The following MCCC2 variants were observed in gnomAD, a reference collection of about 807,000 sequenced individuals.
The protein encoded by MCCC2 is methylcrotonoyl-CoA carboxylase beta chain, mitochondrial.
MCCC2 carries 52 observed loss-of-function variants against 77.2 expected under a neutral mutation model. That is an observed-to-expected ratio of 0.67 (90% CI 0.54 to 0.85). The LOEUF (loss-of-function observed/expected upper bound fraction) is 0.85, where lower values mean the gene tolerates loss of function less well. Among genes scored for constraint, MCCC2 ranks in the 40% least tolerant of loss-of-function variants. The pLI is 0.00. For synonymous variants in MCCC2, 253 were observed against 248.4 expected, an observed-to-expected ratio of 1.02 and a Z score of -0.18; for missense variants, 682 against 703.2, an observed-to-expected ratio of 0.97 and a Z score of 0.34.
In MCCC2 at chr5:71,596,303, C is replaced by T; in HGVS notation, c.220C>T (p.Leu74Phe). The T allele has an allele frequency of 6.2e-7, 1 of 1,614,102 alleles. No homozygotes were observed. The highest frequency in any genetic ancestry group is 8.5e-7 in the Non-Finnish European group (1 of 1,180,012). Residue 74 changes from leucine (L) to phenylalanine (F), a missense_variant, in exon 3 of 17, where the codon CTT (leucine) becomes TTT (phenylalanine). Leu to Phe is a conservative substitution (Grantham distance 22). Transcript: ENST00000340941. ...AGGAGGTGGTGAGAAAGCCCGAGCA[C>T]TTCACATATCAAGAGGAAAACTATT... ...KLGGGEKARA[L>F]HISRGKLLPR...
At chr5:71,638,295 T>G (rs1176509119) in intron 10 of MCCC2, among the ~76,000 whole-genome samples, 1 of 152,212 alleles carries the variant, frequency 6.6e-6, no homozygotes, top group African/African-American at 2.4e-5. Context: ...CTTCATCCAT[T>G]GAAATCTTGA....
At chr5:71,599,439 G>C (rs1745336682) in intron 3 of MCCC2, among the ~76,000 whole-genome samples, 1 of 152,034 alleles carries the variant, frequency 6.6e-6, no homozygotes, top group African/African-American at 2.4e-5. Flanking sequence ...TCCAACTCTT[G>C]GGCTCAAACA....
intron 16 of MCCC2, among the ~76,000 whole-genome samples, chr5:71,655,460 T>TA (rs1747552984): frequency 6.6e-6 from 1 of 152,244 alleles, no homozygotes; most frequent in African/African-American, 2.4e-5. Context: ...TAGTGCCTCT[T>TA]ACCTGGGGCA....
chr5:71,630,071 G>A (rs1026400219), intron 7 of MCCC2, among the ~76,000 whole-genome samples: 36 of 152,140 alleles, frequency 2.4e-4, no homozygotes, highest in Admixed American at 2.0e-4. Context: ...TGGCAGCCAG[G>A]GAAGCCTGAA....
At chr5:71,643,369 A>G (rs901313481) in intron 11 of MCCC2, among the ~76,000 whole-genome samples, 1 of 152,202 alleles carries the variant, frequency 6.6e-6, no homozygotes, top group Non-Finnish European at 1.5e-5. Context: ...CCTAGGCAAC[A>G]GAGTGAGACC....
At chr5:71,654,245 C>T (rs1478202601) in intron 16 of MCCC2, among the ~76,000 whole-genome samples, 3 of 152,166 alleles carry the variant, frequency 2.0e-5, no homozygotes, top group African/African-American at 4.8e-5. Flanking sequence ...GATCCTGCCT[C>T]GGCCTCCCAA....
At chr5:71,611,218 T>C (rs1326365612) in intron 6 of MCCC2, among the ~76,000 whole-genome samples, 2 of 152,002 alleles carry the variant, frequency 1.3e-5, no homozygotes, top group African/African-American at 4.8e-5. Context: ...CTGGGCAACA[T>C]AGGGAGACCC....
intron 15 of MCCC2, among the ~76,000 whole-genome samples, chr5:71,652,274 G>C (rs1288795225): frequency 6.6e-6 from 1 of 152,164 alleles, no homozygotes; most frequent in Non-Finnish European, 1.5e-5. Flanking sequence ...AAACATTTAA[G>C]CTTAAGTTTT....
chr5:71,651,047 G>A lies in MCCC2; in HGVS notation c.1488+864G>A, dbSNP rs182528616. 2.4e-3 allele frequency among the ~76,000 whole-genome samples: 371 copies of A among 152,234 alleles called. 3 individuals are homozygous for A. The highest frequency in any genetic ancestry group is 8.4e-3 in the African/African-American group (350 of 41,538). On this transcript the variant is annotated intron_variant, in intron 15 of 16. Coordinates refer to ENST00000340941, the MANE Select transcript of MCCC2 (RefSeq NM_022132.5). Reference sequence around the variant, plus strand: ...TGATCTGCCCACCTCCCAAAGTGCTGGGATTACAGGTGTGTGCCACCATGC... The same window carrying A: ...TGATCTGCCCACCTCCCAAAGTGCTAGGATTACAGGTGTGTGCCACCATGC...
chr5:71,633,251 A>G (rs529770419), intron 8 of MCCC2, among the ~76,000 whole-genome samples: 8 of 151,268 alleles, frequency 5.3e-5, no homozygotes, highest in African/African-American at 1.9e-4. Context: ...GGAGTGAGCC[A>G]CTGCACCTGG....
At chr5:71,622,635 T>C (rs1221642338) in intron 6 of MCCC2, among the ~76,000 whole-genome samples, 2 of 152,204 alleles carry the variant, frequency 1.3e-5, no homozygotes, top group Non-Finnish European at 2.9e-5. Flanking sequence ...TAGATTTGCT[T>C]GTTCTGGACA....
chr5:71,623,005 A>G (rs1384141870), intron 6 of MCCC2, among the ~76,000 whole-genome samples: 4 of 152,182 alleles, frequency 2.6e-5, no homozygotes, highest in African/African-American at 4.8e-5. Context: ...TACGTTTCAT[A>G]AACTGTTCAT....
intron 7 of MCCC2, among the ~76,000 whole-genome samples, chr5:71,630,407 AT>A (rs1270460833): frequency 6.6e-6 from 1 of 151,992 alleles, no homozygotes; most frequent in African/African-American, 2.4e-5. Flanking sequence ...GACTTCTATC[AT>A]CTTTGCACCT....
chr5:71,627,214 C>T (rs1247062287), intron 7 of MCCC2, among the ~76,000 whole-genome samples: 1 of 152,180 alleles, frequency 6.6e-6, no homozygotes, highest in Admixed American at 6.5e-5. Context: ...TGTATGTATA[C>T]ACTGTATTTT....
At chr5:71,614,878 C>CA (rs560872492) in intron 6 of MCCC2, among the ~76,000 whole-genome samples, 1 of 151,974 alleles carries the variant, frequency 6.6e-6, no homozygotes, top group Non-Finnish European at 1.5e-5. Context: ...TTAAAGGAAA[C>CA]AAAAAAAGAA....
At chr5:71,637,387 TA>T (rs1445831103) in intron 10 of MCCC2, among the ~76,000 whole-genome samples, 1 of 152,224 alleles carries the variant, frequency 6.6e-6, no homozygotes, top group African/African-American at 2.4e-5. Flanking sequence ...CCAGAGCATA[TA>T]AAAGTTATAT....
Position 71,650,166 on chromosome 5 carries a change from GC to G in MCCC2, c.1474del (p.Arg492GlyfsTer14). The G allele has an allele frequency of 3.1e-6, 5 of 1,614,138 alleles. No individual in the cohort carries two copies. The highest frequency in any genetic ancestry group is 1.7e-5 in the Admixed American group (1 of 60,026). On this transcript the variant is annotated frameshift_variant, in exon 15 of 17. Transcript: ENST00000340941. LOFTEE classifies it high-confidence loss of function. ...GGCCACGATAACAAAGGACCAAAGA[GC>G]CCGGGAAGGAAAGCAGGTCGGTGTC... ...VLATITKDQR[A>X]REGKQFSSAD...
chr5:71,588,066 C>G (rs1391290999), intron 1 of MCCC2, among the ~76,000 whole-genome samples: 1 of 151,906 alleles, frequency 6.6e-6, no homozygotes, highest in Admixed American at 6.6e-5. Flanking sequence ...ATCAGGAGTT[C>G]GAGAACAGCC....
intron 3 of MCCC2, among the ~76,000 whole-genome samples, chr5:71,598,097 G>T (rs1259131319): frequency 1.4e-5 from 2 of 144,488 alleles, no homozygotes; most frequent in East Asian, 2.0e-4. Flanking sequence ...TTTTTGAGAC[G>T]GAGTCTCACT....
Sources: allele counts gnomAD v4.1 joint callset (sites outside exome capture counted in the v4.1 genomes callset), GRCh38; gene constraint gnomAD v4.1.1; transcripts MANE v1.5; gene names NCBI Gene and HGNC (gene_info 2026-07-23, HGNC 2026-07-21).